The following RORA variants were observed in gnomAD, a reference collection of about 807,000 sequenced individuals.
RORA encodes RAR related orphan receptor A.
Under a neutral mutation model 69.5 loss-of-function variants are expected in RORA, and 7 were observed. The observed-to-expected ratio is 0.10, with a 90% CI of 0.06 to 0.19. The LOEUF (loss-of-function observed/expected upper bound fraction) is 0.19, where lower values mean the gene tolerates loss of function less well. RORA is among the 10% of genes least tolerant of loss of function. The pLI is 1.00. For missense variants in RORA, 457 were observed against 663.0 expected (o/e 0.69, Z 3.41); for synonymous variants, 261 against 240.8 (o/e 1.08, Z -0.78).
chr15:60,849,292 A>G (rs896299324), intron 1 of RORA, among the ~76,000 whole-genome samples: 1 of 152,238 alleles, frequency 6.6e-6, no homozygotes, highest in Non-Finnish European at 1.5e-5. Flanking sequence ...CACTGGTATA[A>G]ATAAATGGTT....
At chr15:61,215,181 C>A (rs2080029840) in intron 1 of RORA, among the ~76,000 whole-genome samples, 1 of 151,868 alleles carries the variant, frequency 6.6e-6, no homozygotes, top group African/African-American at 2.4e-5. Context: ...CCGCGCCTGG[C>A]CCTTCTTGTA....
chr15:61,050,661 C>T (rs151121555), intron 1 of RORA, among the ~76,000 whole-genome samples: 8 of 152,222 alleles, frequency 5.3e-5, no homozygotes, highest in African/African-American at 1.2e-4. Context: ...ATACACAGGG[C>T]GCAGAGTCAC....
chr15:60,817,358 A>C (rs954017506), intron 1 of RORA, among the ~76,000 whole-genome samples: 4 of 152,250 alleles, frequency 2.6e-5, no homozygotes, highest in Non-Finnish European at 4.4e-5. Context: ...CTGACACAGA[A>C]ACATGAAGTG....
intron 3 of RORA, among the ~76,000 whole-genome samples, chr15:60,522,921 T>C (rs1355068237): frequency 6.6e-6 from 1 of 151,292 alleles, no homozygotes; most frequent in African/African-American, 2.4e-5. Flanking sequence ...AACACAAAAA[T>C]TAGCCAAGCT....
chr15:60,795,372 T>C (rs2072480466), intron 1 of RORA, among the ~76,000 whole-genome samples: 1 of 152,240 alleles, frequency 6.6e-6, no homozygotes, highest in African/African-American at 2.4e-5. Context: ...AATGGGCTGC[T>C]TGAGATGTAG....
intron 1 of RORA, among the ~76,000 whole-genome samples, chr15:61,060,639 G>A (rs1009250210): frequency 2.0e-5 from 3 of 152,128 alleles, no homozygotes; most frequent in African/African-American, 7.2e-5. Context: ...TCATGCCAAG[G>A]ACTCTTGGGG....
intron 1 of RORA, among the ~76,000 whole-genome samples, chr15:60,866,663 C>T (rs1007312872): frequency 1.4e-4 from 21 of 152,148 alleles, no homozygotes; most frequent in Admixed American, 1.4e-3. Context: ...CCAATCATGC[C>T]TACATGACAA....
intron 2 of RORA, among the ~76,000 whole-genome samples, chr15:60,628,505 A>T (rs1340689127): frequency 6.6e-6 from 1 of 152,192 alleles, no homozygotes; most frequent in Non-Finnish European, 1.5e-5. Flanking sequence ...AGCTAGGACC[A>T]TAGGTATGTT....
intron 3 of RORA, chr15:60,528,521 A>G (rs1282603396): frequency 1.3e-5 from 2 of 152,232 alleles, no homozygotes; most frequent in Non-Finnish European, 2.9e-5. Context: ...GATCCCTTAC[A>G]GTGCTTACAT....
intron 1 of RORA, among the ~76,000 whole-genome samples, chr15:60,935,282 T>C (rs1388492663): frequency 6.6e-6 from 1 of 152,214 alleles, no homozygotes; most frequent in Non-Finnish European, 1.5e-5. Context: ...AGACATCTCC[T>C]CGCTGGGAGA....
rs201877506 is a variant in RORA, at chr15:60,758,186, A to G, written c.167-79500T>C. Among the ~76,000 whole-genome samples the G allele has an allele frequency of 2.0e-5, 3 of 152,186 alleles. No individual in the cohort carries two copies. The East Asian group carries it at 5.8e-4, about 29-fold the overall frequency. ...CATTTGTTCACCTCTACCATCCAGC[A>G]CAATGCCTGGCACAGGGTGAATGCT... is the stretch of plus-strand genomic sequence containing the variant. On this transcript the variant is annotated intron_variant, in intron 1 of 10. Transcript: ENST00000335670.
rs116830802 is a variant in RORA at position 60,627,181 on chromosome 15, G to T, written c.196+51476C>A. On this transcript the variant is annotated intron_variant, in intron 2 of 10. Coordinates refer to ENST00000335670, the MANE Select transcript of RORA (RefSeq NM_134261.3). ...AGCCAGACATTGGGTTGTGGGTGGT[G>T]GGGGGAGGGTACACAGTGATCAGCA... is the stretch of plus-strand genomic sequence containing the variant. 889 of 1,478,154 alleles carry T rather than the reference G, an allele frequency of 6.0e-4. 5 individuals are homozygous for T. In the African/African-American group the frequency reaches 0.011, roughly 19 times the overall value. 91.6% of individuals were successfully genotyped at this position (1,478,154 alleles called of 1,614,324 possible).
intron 1 of RORA, among the ~76,000 whole-genome samples, chr15:61,044,570 T>G (rs1415124670): frequency 6.6e-6 from 1 of 152,270 alleles, no homozygotes; most frequent in African/African-American, 2.4e-5. Context: ...CTATTTTGGA[T>G]ATATTGAGTT....
chr15:60,704,329 C>T (rs1315238345), intron 1 of RORA, among the ~76,000 whole-genome samples: 3 of 152,242 alleles, frequency 2.0e-5, no homozygotes, highest in African/African-American at 7.2e-5. Flanking sequence ...TGTTGCTGCC[C>T]TCCCGGCATC....
chr15:60,689,437 A>G (rs2070791357), intron 1 of RORA, among the ~76,000 whole-genome samples: 2 of 152,184 alleles, frequency 1.3e-5, no homozygotes, highest in Admixed American at 6.5e-5. Flanking sequence ...GATTTCAACT[A>G]GCACAGTTCT....
intron 1 of RORA, among the ~76,000 whole-genome samples, chr15:60,719,043 G>T (rs368645115): frequency 0.013 from 2,010 of 150,346 alleles, 39 homozygotes; most frequent in African/African-American, 0.042. Flanking sequence ...GTGTGGGGGG[G>T]GTGTGTGTGT....
chr15:61,052,990 C>T (rs1361002543), intron 1 of RORA, among the ~76,000 whole-genome samples: 1 of 152,090 alleles, frequency 6.6e-6, no homozygotes, highest in Non-Finnish European at 1.5e-5. Flanking sequence ...AGTAAAGTAT[C>T]CTAAGGGGAA....
At chr15:61,002,461 G>C (rs548703908) in intron 1 of RORA, among the ~76,000 whole-genome samples, 4 of 152,318 alleles carry the variant, frequency 2.6e-5, no homozygotes, top group African/African-American at 9.6e-5. Flanking sequence ...TTCAATAGAA[G>C]CAGCAGGGGG....
At chr15:60,923,544 C>T (rs959077207) in intron 1 of RORA, among the ~76,000 whole-genome samples, 3 of 152,122 alleles carry the variant, frequency 2.0e-5, no homozygotes, top group African/African-American at 7.2e-5. Context: ...CACCAACTTC[C>T]GTGGGCTTCC....
Sources: gnomAD v4.1 joint callset for allele counts (sites outside exome capture counted in the v4.1 genomes callset) on GRCh38, gnomAD v4.1.1 for gene constraint, MANE v1.5 for transcripts, NCBI Gene and HGNC (gene_info 2026-07-23, HGNC 2026-07-21) for gene names.